Variants in CDH23 observed in about 807,000 individuals in gnomAD.
The protein encoded by CDH23 is cadherin-23.
Under a neutral mutation model 317.1 loss-of-function variants are expected in CDH23, and 189 were observed. That is an observed-to-expected ratio of 0.60 (90% CI 0.53 to 0.67). The LOEUF is 0.67. Among genes scored for constraint, CDH23 ranks in the 30% least tolerant of loss-of-function variants. The pLI, the probability that CDH23 is intolerant of heterozygous loss-of-function variation, is 0.00. For synonymous variants in CDH23, 1,839 were observed against 1,876.8 expected (o/e 0.98, Z 0.52); for missense variants, 4,401 against 4,592.4 (o/e 0.96, Z 1.20).
intron 6 of CDH23, among the ~76,000 whole-genome samples, chr10:71,523,837 C>T (rs35562054): frequency 1.2e-4 from 18 of 151,938 alleles, no homozygotes; most frequent in Non-Finnish European, 1.9e-4. Flanking sequence ...GGAAGGCTGG[C>T]GGGGTCTCAT....
chr10:71,530,034 GACAC>G (rs57652121), intron 6 of CDH23, among the ~76,000 whole-genome samples: 8,689 of 140,862 alleles, frequency 0.062, 325 homozygotes, highest in African/African-American at 0.1. Flanking sequence ...CACACATACA[GACAC>G]ACACACACAC....
intron 48 of CDH23, 109 bp downstream of exon 48, chr10:71,793,749 A>T: frequency 1.2e-6 from 1 of 813,584 alleles, no homozygotes; most frequent in Non-Finnish European, 1.9e-6. Flanking sequence ...TTCCCTTGCT[A>T]CTCTCTTCTC....
Position 71,807,852 on chromosome 10 carries a change from C to T in CDH23, c.8567C>T (p.Ala2856Val). ...CACCTGCCTCTTCCTGCAGGGGTGG[C>T]CACCGACGCCAAGGTGGGCTCAGAG... Reference protein sequence around the residue: ...FTKAEYTAGVATDAKVGSELI... With the variant: ...FTKAEYTAGVVTDAKVGSELI... The change falls in exon 60 of 70, where the codon GCC becomes GTC. Residue 2856 changes from alanine (A) to valine (V), a missense_variant. Coordinates refer to ENST00000224721, the MANE Select transcript of CDH23 (RefSeq NM_022124.6). 1 of 1,600,518 alleles carries T rather than the reference C, an allele frequency of 6.2e-7. No individual in the cohort carries two copies. Among genetic ancestry groups the T allele is most frequent in the Non-Finnish European group, 8.5e-7 (1 of 1,173,504 alleles).
intron 3 of CDH23, among the ~76,000 whole-genome samples, chr10:71,469,982 G>A (rs1371058508): frequency 2.6e-5 from 4 of 151,940 alleles, no homozygotes; most frequent in Non-Finnish European, 5.9e-5. Context: ...TGAATCATAT[G>A]TATAGGTTTA....
At chr10:71,545,028 G>A (rs1285461328) in intron 6 of CDH23, among the ~76,000 whole-genome samples, 1 of 152,152 alleles carries the variant, frequency 6.6e-6, no homozygotes, top group Non-Finnish European at 1.5e-5. Flanking sequence ...AGTAGCAGGA[G>A]GGGAAAGCCA....
Position 71,515,357 on chromosome 10 carries a change from T to TTCTCTCTCTCTCTCTC in CDH23, c.429+4168_429+4183dup, listed in dbSNP as rs3059687. 8.5e-4 allele frequency among the ~76,000 whole-genome samples: 107 copies of TTCTCTCTCTCTCTCTC among 126,228 alleles called. 1 individual carries two copies. In the East Asian group the frequency reaches 0.013, roughly 16 times the overall value. The allele number at this position is 126,228 out of a possible 152,430, so 82.8% of individuals were successfully genotyped here. A position where few individuals can be genotyped will look rare whatever the true frequency, so the allele number is the denominator to read the frequency against. ...TCAATGGCAATGGATACCTGTCTGT[T>TTCTCTCTCTCTCTCTC]TCTCTCTCTCTCTCTCTCTCTCTCT... On this transcript the variant is annotated intron_variant, in intron 6 of 69. Transcript: ENST00000224721.
chr10:71,481,853 G>A (rs566916173), intron 3 of CDH23, among the ~76,000 whole-genome samples: 1 of 152,298 alleles, frequency 6.6e-6, no homozygotes, highest in South Asian at 2.1e-4. Flanking sequence ...GCACTGTGTG[G>A]GGTCCTCTTG....
At chr10:71,532,711 GTTTTTTTTTTTTTTTGTTTTT>G (rs202040817) in intron 6 of CDH23, among the ~76,000 whole-genome samples, 1 of 128,100 alleles carries the variant, frequency 7.8e-6, no homozygotes, top group African/African-American at 2.9e-5. Context: ...TTTTGTTTTT[GTTTTTTTTTTTTTTTGTTTTT>G]TTTTTTTTTT....
intron 6 of CDH23, among the ~76,000 whole-genome samples, chr10:71,555,282 G>C (rs751660147): frequency 6.6e-6 from 1 of 152,166 alleles, no homozygotes. Context: ...TGTCCTGGGC[G>C]CTGGGGCCAG....
At chr10:71,731,836 C>A in intron 31 of CDH23, 151 bp from the exon 32 acceptor site, 3 of 738,906 alleles carry the variant, frequency 4.1e-6, no homozygotes, top group South Asian at 1.8e-5. Flanking sequence ...ACATCCTCTG[C>A]TGCATCTCTG....
chr10:71,496,290 G>C (rs898757983), intron 3 of CDH23, among the ~76,000 whole-genome samples: 5 of 152,040 alleles, frequency 3.3e-5, no homozygotes, highest in Non-Finnish European at 7.4e-5. Flanking sequence ...TTTTAATATT[G>C]GGATTGGAAA....
chr10:71,807,274 CAG>C lies in CDH23; in HGVS notation c.8179-1_8179del. On this transcript the variant is annotated splice_acceptor_variant, in intron 57 of 69. Coordinates refer to ENST00000224721, the MANE Select transcript of CDH23 (RefSeq NM_022124.6). LOFTEE classifies it high-confidence loss of function. ...ATGTGATGACATCCCCCTCCCTCTG[CAG>C]AAAGGCAGCCCCCAGTACCAGCTGC... 1 of 1,612,660 alleles carries C rather than the reference CAG, an allele frequency of 6.2e-7. No homozygotes were observed. The highest frequency in any genetic ancestry group is 8.5e-7 in the Non-Finnish European group (1 of 1,178,936).
chr10:71,611,521 G>T (rs761764126), intron 9 of CDH23, among the ~76,000 whole-genome samples: 1 of 152,206 alleles, frequency 6.6e-6, no homozygotes, highest in African/African-American at 2.4e-5. Flanking sequence ...GCCAACATTT[G>T]TTGGGAGTTT....
chr10:71,802,881 G>T lies in CDH23; in HGVS notation c.7483-17G>T. 1 of 1,613,818 alleles carries T rather than the reference G, an allele frequency of 6.2e-7. No individual in the cohort carries two copies. Among genetic ancestry groups the T allele is most frequent in the South Asian group, 1.1e-5 (1 of 91,018 alleles). Reference sequence around the variant, plus strand: ...CATCCTGCTCCTTACCTTTGGCCTTGACCTCCATCCACCCAGGTGGTGATC... The same window carrying T: ...CATCCTGCTCCTTACCTTTGGCCTTTACCTCCATCCACCCAGGTGGTGATC... On this transcript the variant is annotated splice_polypyrimidine_tract_variant and intron_variant, in intron 53 of 69. Transcript: ENST00000224721.
chr10:71,766,564 A>G (rs1840550165), intron 38 of CDH23, among the ~76,000 whole-genome samples: 1 of 152,222 alleles, frequency 6.6e-6, no homozygotes, highest in Non-Finnish European at 1.5e-5. Flanking sequence ...TCTTCATCTT[A>G]ACCTGAGGGC....
Position 71,403,330 on chromosome 10 carries a change from T to TTCCTTCCTTC in CDH23, c.-6+6012_-6+6013insTCCTTCCTTC, listed in dbSNP as rs1564557822. Among the ~76,000 whole-genome samples, 284 of 44,050 alleles carry TTCCTTCCTTC rather than the reference T, an allele frequency of 6.4e-3. 75 individuals are homozygous for TTCCTTCCTTC. Among genetic ancestry groups the TTCCTTCCTTC allele is most frequent in the African/African-American group, 0.022 (268 of 12,308 alleles). The allele number at this position is 44,050 out of a possible 152,430, so 28.9% of individuals were successfully genotyped here. A position where few individuals can be genotyped will look rare whatever the true frequency, so the allele number is the denominator to read the frequency against. ...CTTTCTCTTTCTTCCTTCCTTCCTT[T>TTCCTTCCTTC]CTTTCTTTCTTTCTTTCTTTCTTTC... On this transcript the variant is annotated intron_variant, in intron 1 of 69. Coordinates refer to ENST00000224721, the MANE Select transcript of CDH23 (RefSeq NM_022124.6).
At chr10:71,454,758 T>G (rs1850604977) in intron 3 of CDH23, among the ~76,000 whole-genome samples, 1 of 152,120 alleles carries the variant, frequency 6.6e-6, no homozygotes, top group Non-Finnish European at 1.5e-5. Flanking sequence ...TTTTCTACCA[T>G]CAGAGTGAAA....
At chr10:71,488,633 G>C (rs192566869) in intron 3 of CDH23, among the ~76,000 whole-genome samples, 1 of 152,206 alleles carries the variant, frequency 6.6e-6, no homozygotes. Context: ...TTGCAAACAT[G>C]AATTTCCAGT....
chr10:71,621,574 A>C (rs900033908), intron 11 of CDH23, among the ~76,000 whole-genome samples: 1 of 152,230 alleles, frequency 6.6e-6, no homozygotes, highest in Admixed American at 6.5e-5. Context: ...GGCTTTTTCC[A>C]AACCAGGTCT....
Sources: allele counts gnomAD v4.1 joint callset (sites outside exome capture counted in the v4.1 genomes callset), GRCh38; gene constraint gnomAD v4.1.1; transcripts MANE v1.5; gene names NCBI Gene and HGNC (gene_info 2026-07-23, HGNC 2026-07-21).